TMEM117: variants seen among roughly 807,000 people sequenced by gnomAD.
TMEM117 encodes transmembrane protein 117.
In TMEM117, 27 loss-of-function variants were observed where a neutral mutation model predicts 52.4. The observed-to-expected ratio is 0.51, with a 90% CI of 0.38 to 0.71. The LOEUF (loss-of-function observed/expected upper bound fraction) is 0.71, where lower values mean the gene tolerates loss of function less well. TMEM117 is among the 30% of genes least tolerant of loss of function. The pLI is 0.00. For synonymous variants in TMEM117, 215 were observed against 206.3 expected (o/e 1.04, Z -0.36); for missense variants, 556 against 630.5 (o/e 0.88, Z 1.26).
chr12:44,069,096 A>G (rs1947263649), intron 3 of TMEM117, among the ~76,000 whole-genome samples: 1 of 152,174 alleles, frequency 6.6e-6, no homozygotes, highest in Non-Finnish European at 1.5e-5. Flanking sequence ...TTAGGTGATG[A>G]CTGACTATGC....
intron 3 of TMEM117, among the ~76,000 whole-genome samples, chr12:44,137,591 A>G (rs1948510115): frequency 1.3e-5 from 2 of 152,308 alleles, no homozygotes; most frequent in African/African-American, 2.4e-5. Flanking sequence ...ACAGTTCCAC[A>G]TGGCTGGGAG....
chr12:43,909,545 T>G (rs866368808), intron 2 of TMEM117, among the ~76,000 whole-genome samples: 1 of 144,780 alleles, frequency 6.9e-6, no homozygotes, highest in Admixed American at 7.0e-5. Flanking sequence ...TTCAAAAAAT[T>G]AATGAATCCA....
intron 3 of TMEM117, among the ~76,000 whole-genome samples, chr12:43,957,965 AT>A (rs1945335578): frequency 6.6e-6 from 1 of 152,158 alleles, no homozygotes; most frequent in South Asian, 2.1e-4. Flanking sequence ...TTCAGCACTG[AT>A]TGTCTCATTA....
At chr12:44,378,859 A>G (rs1040913122) in intron 7 of TMEM117, among the ~76,000 whole-genome samples, 3 of 152,148 alleles carry the variant, frequency 2.0e-5, no homozygotes, top group Non-Finnish European at 4.4e-5. Context: ...ATAATTGGGG[A>G]TGTCTCCTTT....
At chr12:43,976,986 A>G (rs1217570107) in intron 3 of TMEM117, among the ~76,000 whole-genome samples, 1 of 152,170 alleles carries the variant, frequency 6.6e-6, no homozygotes, top group African/African-American at 2.4e-5. Flanking sequence ...GGAACCCCCC[A>G]CTAGGGGTAT....
chr12:44,374,654 G>GTA (rs955447136), intron 6 of TMEM117, among the ~76,000 whole-genome samples: 2 of 147,546 alleles, frequency 1.4e-5, no homozygotes, highest in Non-Finnish European at 3.0e-5. Context: ...GTGTGTGTGT[G>GTA]TATGTGTGTG....
At chr12:44,304,770 T>C (rs1950883905) in intron 6 of TMEM117, among the ~76,000 whole-genome samples, 1 of 152,082 alleles carries the variant, frequency 6.6e-6, no homozygotes, top group African/African-American at 2.4e-5. Flanking sequence ...TAATCACCCA[T>C]TGTCTAAAGG....
At chr12:43,806,674 AG>A in the TMEM117 span, among the ~76,000 whole-genome samples, 1 of 152,336 alleles carries the variant, frequency 6.6e-6, no homozygotes, top group South Asian at 2.1e-4. Context: ...AGCTTAAAAA[AG>A]ATGTGCACAT....
intron 3 of TMEM117, among the ~76,000 whole-genome samples, chr12:44,098,728 T>C (rs1405730476): frequency 6.6e-6 from 1 of 152,082 alleles, no homozygotes; most frequent in Non-Finnish European, 1.5e-5. Context: ...CTGGGCTCAT[T>C]GGTGACACTC....
chr12:44,172,505 G>A (rs1949060672), intron 4 of TMEM117, among the ~76,000 whole-genome samples: 1 of 151,962 alleles, frequency 6.6e-6, no homozygotes, highest in Non-Finnish European at 1.5e-5. Flanking sequence ...TTCCTATTAG[G>A]ACACCAGTCA....
intron 4 of TMEM117, among the ~76,000 whole-genome samples, chr12:44,188,251 C>T (rs187579336): frequency 1.1e-3 from 174 of 152,264 alleles, no homozygotes; most frequent in Middle Eastern, 3.4e-3. Flanking sequence ...TCTATCTGAA[C>T]ATCCAATAAG....
upstream of TMEM117, chr12:43,835,867 C>G (rs529333214): frequency 6.6e-6 from 1 of 152,020 alleles, no homozygotes; most frequent in Non-Finnish European, 1.5e-5. Flanking sequence ...CGGGGAGAAG[C>G]CATGCCTCCA....
intron 4 of TMEM117, among the ~76,000 whole-genome samples, chr12:44,190,806 G>A (rs1431655815): frequency 6.6e-6 from 1 of 151,104 alleles, no homozygotes; most frequent in East Asian, 1.9e-4. Flanking sequence ...AAGCATGAAT[G>A]TATTTCTTAT....
intron 4 of TMEM117, among the ~76,000 whole-genome samples, chr12:44,166,245 C>A (rs1251052411): frequency 6.6e-6 from 1 of 152,116 alleles, no homozygotes; most frequent in African/African-American, 2.4e-5. Flanking sequence ...AAGTTTGCAG[C>A]AATAAATACC....
chr12:43,810,187 C>G, the TMEM117 span, among the ~76,000 whole-genome samples: 3 of 152,186 alleles, frequency 2.0e-5, no homozygotes, highest in African/African-American at 7.2e-5. Context: ...GTGAGATTTT[C>G]ACCCTGGGTT....
At chr12:44,196,338 G>A (rs1049630372) in intron 4 of TMEM117, among the ~76,000 whole-genome samples, 2 of 151,990 alleles carry the variant, frequency 1.3e-5, no homozygotes, top group Admixed American at 1.3e-4. Context: ...TTATCTGAAA[G>A]GCTAATAAAA....
intron 6 of TMEM117, among the ~76,000 whole-genome samples, chr12:44,372,024 C>G (rs1951871060): frequency 6.6e-6 from 1 of 152,180 alleles, no homozygotes; most frequent in Non-Finnish European, 1.5e-5. Flanking sequence ...TCTGTTCACA[C>G]TGTGAACATT....
At chr12:44,177,585 CTTTT>C (rs944553772) in intron 4 of TMEM117, among the ~76,000 whole-genome samples, 1 of 152,056 alleles carries the variant, frequency 6.6e-6, no homozygotes, top group African/African-American at 2.4e-5. Flanking sequence ...CTGCATATTT[CTTTT>C]TTTATTAGAT....
chr12:44,216,426 A>G (rs1949719739), intron 5 of TMEM117, among the ~76,000 whole-genome samples: 2 of 152,130 alleles, frequency 1.3e-5, no homozygotes, highest in African/African-American at 4.8e-5. Flanking sequence ...GCAGACTTGT[A>G]GTTTGAGTGA....
Sources: allele counts gnomAD v4.1 joint callset (sites outside exome capture counted in the v4.1 genomes callset), GRCh38; gene constraint gnomAD v4.1.1; transcripts MANE v1.5; gene names NCBI Gene and HGNC (gene_info 2026-07-23, HGNC 2026-07-21).